Variants in IMMP2L observed in about 807,000 individuals in gnomAD.
The protein encoded by IMMP2L is inner mitochondrial membrane peptidase subunit 2, also known as mitochondrial inner membrane protease subunit 2.
In IMMP2L, 18 loss-of-function variants were observed where a neutral mutation model predicts 19.3. The observed-to-expected ratio is 0.93, with a 90% CI of 0.64 to 1.38. The LOEUF is 1.38. Ranked by LOEUF, IMMP2L falls within the 40% of genes most tolerant of loss-of-function variation. The pLI, the probability that IMMP2L is intolerant of heterozygous loss-of-function variation, is 0.00. For synonymous variants in IMMP2L, 76 were observed against 73.0 expected (o/e 1.04, Z -0.21); for missense variants, 233 against 218.2 (o/e 1.07, Z -0.43).
intron 3 of IMMP2L, among the ~76,000 whole-genome samples, chr7:111,428,215 G>C (rs1193264520): frequency 6.6e-6 from 1 of 151,524 alleles, no homozygotes; most frequent in African/African-American, 2.4e-5. Context: ...AGAGTAATTA[G>C]AATCTTATTT....
At chr7:111,316,845 C>CTTTTTTTTTTTT (rs869155077) in intron 3 of IMMP2L, among the ~76,000 whole-genome samples, 1,300 of 75,834 alleles carry the variant, frequency 0.017, no homozygotes, top group Non-Finnish European at 0.019. Context: ...TTTTTTTTTT[C>CTTTTTTTTTTTT]TTTTTTTTTT....
intron 4 of IMMP2L, among the ~76,000 whole-genome samples, chr7:110,947,282 G>C (rs1339451482): frequency 6.6e-6 from 1 of 152,002 alleles, no homozygotes; most frequent in Non-Finnish European, 1.5e-5. Context: ...CCACTTTATT[G>C]TTAAGGATGT....
chr7:111,001,680 T>C (rs2129561386), intron 3 of IMMP2L, among the ~76,000 whole-genome samples: 1 of 152,330 alleles, frequency 6.6e-6, no homozygotes, highest in South Asian at 2.1e-4. Context: ...ATGATTAATA[T>C]GATATTTAAA....
At chr7:111,368,196 T>C (rs184380325) in intron 3 of IMMP2L, among the ~76,000 whole-genome samples, 1 of 152,024 alleles carries the variant, frequency 6.6e-6, no homozygotes, top group East Asian at 1.9e-4. Flanking sequence ...TAAGTGGATA[T>C]GTCATTTTAC....
At chr7:111,312,388 C>T (rs1242639211) in intron 3 of IMMP2L, among the ~76,000 whole-genome samples, 4 of 152,118 alleles carry the variant, frequency 2.6e-5, no homozygotes, top group Non-Finnish European at 2.9e-5. Flanking sequence ...TCAACTTGTA[C>T]TGTGATTCTA....
intron 5 of IMMP2L, among the ~76,000 whole-genome samples, chr7:110,806,389 T>C (rs143056672): frequency 6.4e-4 from 98 of 152,094 alleles, no homozygotes; most frequent in African/African-American, 2.3e-3. Flanking sequence ...TAAAATGTCT[T>C]GAAATAAAGT....
chr7:111,446,755 C>T (rs933738080), intron 3 of IMMP2L, among the ~76,000 whole-genome samples: 2 of 152,212 alleles, frequency 1.3e-5, no homozygotes, highest in Non-Finnish European at 2.9e-5. Flanking sequence ...GATCAAATTA[C>T]TCTGAGCTAC....
intron 3 of IMMP2L, among the ~76,000 whole-genome samples, chr7:111,404,837 G>A (rs1356703197): frequency 1.3e-5 from 2 of 152,048 alleles, no homozygotes; most frequent in Non-Finnish European, 2.9e-5. Flanking sequence ...CATAATGTCT[G>A]TCAGTAGGCA....
In IMMP2L at chr7:110,870,827, C is replaced by T. The variant is rs942090991; in HGVS notation, c.408+15766G>A. Among the ~76,000 whole-genome samples, 1 of 152,142 alleles carries T rather than the reference C, an allele frequency of 6.6e-6. No homozygotes were observed. Among genetic ancestry groups the T allele is most frequent in the Non-Finnish European group, 1.5e-5 (1 of 68,016 alleles). ...GTCAAGGGAATCAGAGAAAACTTAA[C>T]GCTTTTAATTCTAATAGCAACAGGA... On this transcript the variant is annotated intron_variant, in intron 5 of 5. Transcript: ENST00000405709. This position sits in a 1 kb window ranked among gnomAD's most constrained non-coding sequence, Gnocchi z 4.2.
chr7:110,789,466 C>A (rs368795746), intron 5 of IMMP2L, among the ~76,000 whole-genome samples: 6 of 151,718 alleles, frequency 4.0e-5, no homozygotes, highest in African/African-American at 1.5e-4. Flanking sequence ...CAGGATCCTA[C>A]GACTTCATAC....
At chr7:111,242,890 T>C (rs894503057) in intron 3 of IMMP2L, among the ~76,000 whole-genome samples, 11 of 152,148 alleles carry the variant, frequency 7.2e-5, no homozygotes, top group African/African-American at 2.7e-4. Context: ...AATGACTCTA[T>C]TTAGAAACAA....
At chr7:110,914,267 G>A (rs566367063) in intron 4 of IMMP2L, among the ~76,000 whole-genome samples, 1 of 152,284 alleles carries the variant, frequency 6.6e-6, no homozygotes, top group Admixed American at 6.5e-5. Flanking sequence ...AAGCTCTGCT[G>A]TTGTCTGCAG....
At chr7:110,996,542 G>C (rs1488974024) in intron 3 of IMMP2L, among the ~76,000 whole-genome samples, 1 of 152,036 alleles carries the variant, frequency 6.6e-6, no homozygotes, top group African/African-American at 2.4e-5. Context: ...ATCTGGGCTG[G>C]GTAGACCCTG....
At chr7:111,512,936 T>C (rs924585633) in intron 2 of IMMP2L, among the ~76,000 whole-genome samples, 7 of 152,120 alleles carry the variant, frequency 4.6e-5, no homozygotes, top group African/African-American at 1.7e-4. Context: ...TCTCACACCA[T>C]ATACAAAAAT....
chr7:110,824,876 T>C (rs1803329067), intron 5 of IMMP2L, among the ~76,000 whole-genome samples: 1 of 152,048 alleles, frequency 6.6e-6, no homozygotes, highest in Non-Finnish European at 1.5e-5. Flanking sequence ...AAGATTGACA[T>C]TTAATAAAAG....
At chr7:110,888,369 G>T (rs1372888116) in intron 4 of IMMP2L, among the ~76,000 whole-genome samples, 5 of 152,106 alleles carry the variant, frequency 3.3e-5, no homozygotes, top group African/African-American at 1.2e-4. Flanking sequence ...TTACTTAATT[G>T]TTGGCAAGGC....
At chr7:110,748,684 C>G (rs1428289855) in intron 5 of IMMP2L, among the ~76,000 whole-genome samples, 1 of 152,144 alleles carries the variant, frequency 6.6e-6, no homozygotes, top group African/African-American at 2.4e-5. Context: ...GTTGGGAAAA[C>G]TGGCTAGCCA....
chr7:110,871,319 A>G (rs193276954), intron 5 of IMMP2L, among the ~76,000 whole-genome samples: 1 of 152,112 alleles, frequency 6.6e-6, no homozygotes, highest in Admixed American at 6.6e-5. Flanking sequence ...ACTTAAAAAC[A>G]CAGGATCAAT....
chr7:111,059,897 A>T (rs1793860691), intron 3 of IMMP2L, among the ~76,000 whole-genome samples: 1 of 151,108 alleles, frequency 6.6e-6, no homozygotes, highest in South Asian at 2.1e-4. Context: ...ATATGGTAAT[A>T]ACTTAAAAAT....
Sources: allele counts gnomAD v4.1 joint callset (sites outside exome capture counted in the v4.1 genomes callset), GRCh38; gene constraint gnomAD v4.1.1; non-coding constraint Gnocchi (gnomAD v3.1); transcripts MANE v1.5; gene names NCBI Gene and HGNC (gene_info 2026-07-23, HGNC 2026-07-21).